The following FAM216A variants were observed in gnomAD, a reference collection of about 807,000 sequenced individuals.
FAM216A encodes the protein family with sequence similarity 216 member A, also known as protein FAM216A.
A neutral mutation model predicts 37.6 loss-of-function variants in FAM216A; 26 were observed. That is an observed-to-expected ratio of 0.69 (90% CI 0.51 to 0.96). The LOEUF is 0.96. Ranked by LOEUF, FAM216A falls within the 40% of genes least tolerant of loss-of-function variation. The pLI, the probability that FAM216A is intolerant of heterozygous loss-of-function variation, is 0.00. For missense variants in FAM216A, 326 were observed against 339.3 expected (o/e 0.96, Z 0.31); for synonymous variants, 110 against 121.7 (o/e 0.90, Z 0.64).
chr12:110,486,410 A>G lies in FAM216A; in HGVS notation c.392A>G (p.Lys131Arg), dbSNP rs1232769055. 4 of 1,614,120 alleles carry G rather than the reference A, an allele frequency of 2.5e-6. No individual in the cohort carries two copies. The highest frequency in any genetic ancestry group is 1.3e-5 in the African/African-American group (1 of 75,066). ...GCAAACTATCTGAAGATGTTAATGAAGAGGCAGTACATGCACGTACTTCAG... is the reference window on the plus strand; with the variant it reads ...GCAAACTATCTGAAGATGTTAATGAGGAGGCAGTACATGCACGTACTTCAG... ...YNANYLKMLM[K>R]RQYMHVLQHS... The change falls in exon 4 of 7, where the codon AAG becomes AGG. Residue 131 changes from lysine to arginine, a missense_variant. By Grantham distance (26) the Lys-to-Arg change is conservative. Transcript: ENST00000377673.
intron 2 of FAM216A, among the ~76,000 whole-genome samples, chr12:110,481,309 G>A (rs1449167320): frequency 2.0e-5 from 3 of 152,090 alleles, no homozygotes; most frequent in African/African-American, 7.2e-5. Context: ...TAGATTATAT[G>A]GCAATTCTAT....
rs2062658794 is a variant in FAM216A at position 110,468,889 on chromosome 12, T to A, written c.14T>A (p.Leu5Gln). 1.3e-6 allele frequency: 2 copies of A among 1,514,788 alleles called. No homozygotes were observed. Among genetic ancestry groups the A allele is most frequent in the Admixed American group, 2.1e-5 (1 of 48,142 alleles). The allele number at this position is 1,514,788 out of a possible 1,614,324, so 93.8% of individuals were successfully genotyped here. Residue 5 changes from leucine to glutamine, a missense_variant, in exon 1 of 7, where the codon CTG becomes CAG. Physicochemically the swap from Leu to Gln is moderately radical, Grantham distance 113. Transcript: ENST00000377673. ...GTCGGGGGAGGGATGCTGGGACAGC[T>A]GCTCCCGCACACGGCTCGCGGTCTC... Reference protein sequence around the residue: MLGQLLPHTARGLGA... With the variant: MLGQQLPHTARGLGA...
At chr12:110,485,389 A>T (rs974737216) in intron 3 of FAM216A, among the ~76,000 whole-genome samples, 190 bp downstream of exon 3, 1 of 152,204 alleles carries the variant, frequency 6.6e-6, no homozygotes, top group Non-Finnish European at 1.5e-5. Flanking sequence ...ATTCTTTATC[A>T]TAAGAGTTAT....
At chr12:110,479,751 T>C (rs764817301) in intron 2 of FAM216A, among the ~76,000 whole-genome samples, 3 of 151,256 alleles carry the variant, frequency 2.0e-5, no homozygotes, top group Non-Finnish European at 4.4e-5. Context: ...GGCAGGAGAA[T>C]CACTTGAACC....
At chr12:110,469,439 A>G (rs528140466) in intron 1 of FAM216A, among the ~76,000 whole-genome samples, 1 of 152,086 alleles carries the variant, frequency 6.6e-6, no homozygotes, top group East Asian at 1.9e-4. Context: ...CCCATAAACC[A>G]GTTCCTTCCC....
At chr12:110,473,002 AAAT>A in intron 1 of FAM216A, 73 bp from the exon 2 acceptor site, 10 of 600,474 alleles carry the variant, frequency 1.7e-5, no homozygotes, top group South Asian at 1.1e-4. Flanking sequence ...AAAAAAAAAA[AAAT>A]TGAAATATGT....
At chr12:110,471,323 T>C (rs2062685966) in intron 1 of FAM216A, among the ~76,000 whole-genome samples, 1 of 152,158 alleles carries the variant, frequency 6.6e-6, no homozygotes, top group South Asian at 2.1e-4. Context: ...TTTCCTGACC[T>C]CGTGATCCAC....
At chr12:110,481,313 A>G (rs930859712) in intron 2 of FAM216A, among the ~76,000 whole-genome samples, 1 of 152,072 alleles carries the variant, frequency 6.6e-6, no homozygotes, top group Non-Finnish European at 1.5e-5. Context: ...TTATATGGCA[A>G]TTCTATGTTT....
rs75673775 is a variant in FAM216A, at chr12:110,470,818, T to C, written c.143+1800T>C. Among the ~76,000 whole-genome samples, 434 of 151,894 alleles carry C rather than the reference T, an allele frequency of 2.9e-3. 9 individuals are homozygous for C. In the East Asian group the frequency reaches 0.062, roughly 22 times the overall value. On this transcript the variant is annotated intron_variant, in intron 1 of 6. Transcript: ENST00000377673. ...TTTAGTTTATCCAAACTCTTAAAAC[T>C]ACAATTAAAAAAAAAGACAGTATGC...
At chr12:110,482,116 C>T (rs2062750505) in intron 2 of FAM216A, among the ~76,000 whole-genome samples, 1 of 149,912 alleles carries the variant, frequency 6.7e-6, no homozygotes, top group African/African-American at 2.4e-5. Flanking sequence ...GAGTCTCACT[C>T]TGTCACCCAG....
At chr12:110,480,581 G>A (rs2062741856) in intron 2 of FAM216A, among the ~76,000 whole-genome samples, 1 of 151,950 alleles carries the variant, frequency 6.6e-6, no homozygotes, top group Admixed American at 6.6e-5. Context: ...CTCCCAAAGT[G>A]CTGGGATGTA....
intron 1 of FAM216A, among the ~76,000 whole-genome samples, chr12:110,471,929 C>CTA: frequency 6.6e-6 from 1 of 152,286 alleles, no homozygotes; most frequent in East Asian, 1.9e-4. Flanking sequence ...ACCTTAATTA[C>CTA]TATTCAAAGA....
Position 110,486,306 on chromosome 12 carries a change from CTCTTAT to C in FAM216A, c.307-15_307-10del. Reference sequence around the variant, plus strand: ...TCTAATACAATGCAGACTATAAATCCTCTTATTCTGTCTTTTAGCATCCAGACCTCA... The same window carrying C: ...TCTAATACAATGCAGACTATAAATCCTCTGTCTTTTAGCATCCAGACCTCA... On this transcript the variant is annotated splice_polypyrimidine_tract_variant and intron_variant, in intron 3 of 6. Coordinates refer to ENST00000377673, the MANE Select transcript of FAM216A (RefSeq NM_013300.3). The C allele has an allele frequency of 6.3e-7, 1 of 1,581,742 alleles. No individual in the cohort carries two copies. The highest frequency in any genetic ancestry group is 1.4e-5 in the African/African-American group (1 of 74,052).
chr12:110,486,469 A>G lies in FAM216A; in HGVS notation c.436+15A>G. 6.2e-7 allele frequency: 1 copy of G among 1,608,920 alleles called. No individual in the cohort carries two copies. The highest frequency in any genetic ancestry group is 8.5e-7 in the Non-Finnish European group (1 of 1,175,996). On this transcript the variant is annotated intron_variant, in intron 4 of 6. Transcript: ENST00000377673. ...ACAAAAGCCAGGCAGGTGCACCTCC[A>G]GTTGTCTTTTCACTAGTTTTTACAA...
chr12:110,479,329 A>AC (rs1469312960), intron 2 of FAM216A, among the ~76,000 whole-genome samples: 1 of 152,092 alleles, frequency 6.6e-6, no homozygotes, highest in Non-Finnish European at 1.5e-5. Context: ...GCACATACAT[A>AC]CCCATACATA....
In FAM216A at chr12:110,486,619, GGA is replaced by G. The variant is rs1166680983; in HGVS notation, c.530_531del (p.Glu177GlyfsTer6). 16 of 1,614,170 alleles carry G rather than the reference GGA, an allele frequency of 9.9e-6. No homozygotes were observed. The highest frequency in any genetic ancestry group is 1.2e-5 in the Non-Finnish European group (14 of 1,180,020). On this transcript the variant is annotated frameshift_variant, in exon 5 of 7. Coordinates refer to ENST00000377673, the MANE Select transcript of FAM216A (RefSeq NM_013300.3). LOFTEE classifies it high-confidence loss of function. ...CTTGCACTACATGGCGACATCAACTGGAGAGAGAGGACTCGGGGTCTTCTGAT... is the reference window on the plus strand; with the variant it reads ...CTTGCACTACATGGCGACATCAACTGGAGAGAGGACTCGGGGTCTTCTGAT... ...YPCTTWRHQLEREDSGSSDIA... is the reference protein window; with the variant it reads ...YPCTTWRHQLXREDSGSSDIA...
rs368379560 is a variant in FAM216A, at chr12:110,473,121, G to A, written c.184+3G>A. On this transcript the variant is annotated splice_donor_region_variant and intron_variant, in intron 2 of 6. Transcript: ENST00000377673. ...TTACCAGAATTCCAAAGGTTCTGGT[G>A]AGTAGTGCATATAAAGCAGATAATA... 9 of 1,549,526 alleles carry A rather than the reference G, an allele frequency of 5.8e-6. No individual in the cohort carries two copies. Among genetic ancestry groups the A allele is most frequent in the African/African-American group, 1.4e-5 (1 of 73,306 alleles).
chr12:110,487,268 T>A (rs144993836), intron 5 of FAM216A: 4,902 of 153,282 alleles, frequency 0.032, 277 homozygotes, highest in African/African-American at 0.11. Flanking sequence ...CCTGAGTAGC[T>A]GAGATTACGG....
chr12:110,477,673 C>T (rs1377672012), intron 2 of FAM216A, among the ~76,000 whole-genome samples: 4 of 149,648 alleles, frequency 2.7e-5, no homozygotes, highest in African/African-American at 9.8e-5. Context: ...CCATTCTTGA[C>T]TAAATCCATT....
Sources: allele counts gnomAD v4.1 joint callset (sites outside exome capture counted in the v4.1 genomes callset), GRCh38; gene constraint gnomAD v4.1.1; transcripts MANE v1.5; gene names NCBI Gene and HGNC (gene_info 2026-07-23, HGNC 2026-07-21).